FAM110A: variants seen among roughly 807,000 people sequenced by gnomAD.
FAM110A encodes the protein protein FAM110A.
FAM110A carries 1 observed loss-of-function variant against 4.0 expected under a neutral mutation model. That is an observed-to-expected ratio of 0.25 (90% CI 0.09 to 1.20). The LOEUF is 1.20. FAM110A is among the 50% of genes most tolerant of loss of function. The pLI, the probability that FAM110A is intolerant of heterozygous loss-of-function variation, is 0.50. For synonymous variants in FAM110A, 217 were observed against 196.8 expected (o/e 1.10, Z -0.86); for missense variants, 436 against 429.2 (o/e 1.02, Z -0.14).
At chr20:838,369 C>T (rs1022685139) in intron 1 of FAM110A, among the ~76,000 whole-genome samples, 1 of 152,110 alleles carries the variant, frequency 6.6e-6, no homozygotes, top group Non-Finnish European at 1.5e-5. Flanking sequence ...TGATGAGTGG[C>T]CTTGGCCTTT....
intron 1 of FAM110A, among the ~76,000 whole-genome samples, chr20:836,554 C>A (rs895124248): frequency 6.6e-6 from 1 of 152,116 alleles, no homozygotes. Flanking sequence ...TTTTTTATGG[C>A]GGAATAATCT....
In FAM110A at chr20:846,064, TTCC is replaced by T; in HGVS notation, c.*374_*376del. 1 of 259,812 alleles carries T rather than the reference TTCC, an allele frequency of 3.8e-6. No individual in the cohort carries two copies. The highest frequency in any genetic ancestry group is 4.7e-5 in the South Asian group (1 of 21,412). 16.1% of individuals were successfully genotyped at this position (259,812 alleles called of 1,614,324 possible). ...TCTCCCCAGCGGCTCTGTTTCCTCC[TTCC>T]TTCCTTGGCCTCTGTCCTTTGCTGA... On this transcript the variant is annotated 3_prime_UTR_variant, in exon 2 of 2. Transcript: ENST00000381941.
chr20:837,045 G>GTTTTTT lies in FAM110A; in HGVS notation c.-98+3113_-98+3118dup, dbSNP rs71191980. Among the ~76,000 whole-genome samples the GTTTTTT allele has an allele frequency of 6.9e-4, 57 of 82,908 alleles. 3 individuals are homozygous for GTTTTTT. Among genetic ancestry groups the GTTTTTT allele is most frequent in the Non-Finnish European group, 8.4e-4 (36 of 42,970 alleles). The allele number at this position is 82,908 out of a possible 152,430, so 54.4% of individuals were successfully genotyped here. A position where few individuals can be genotyped will look rare whatever the true frequency, so the allele number is the denominator to read the frequency against. On this transcript the variant is annotated intron_variant, in intron 1 of 1. Coordinates refer to ENST00000381941, the MANE Select transcript of FAM110A (RefSeq NM_001042353.3). ...ATGTCTGTTCAAGTGACTCTGCATT[G>GTTTTTT]TTTTTTTTTTTTTTTTTTTTTTTTG...
In FAM110A at chr20:845,371, G is replaced by A. The variant is rs973463248; in HGVS notation, c.567G>A (p.Ser189=). Residue 189 remains serine, a synonymous_variant, in exon 2 of 2, where the codon TCG becomes TCA. Transcript: ENST00000381941. The stretch of plus-strand genomic sequence containing the variant: ...CGCCGGGTTTGCAACGCTCCAAGTC[G>A]GACTTGAGCGAGCGCTTTTCTAGGG... ...ARPPGLQRSK[S]DLSERFSRAA... is the part of the protein sequence containing the mutation. 2.5e-6 allele frequency: 4 copies of A among 1,612,026 alleles called. No individual in the cohort carries two copies. In the East Asian group the frequency reaches 8.9e-5, roughly 36 times the overall value.
chr20:844,160 G>A (rs1265959789), intron 1 of FAM110A, among the ~76,000 whole-genome samples: 2 of 152,218 alleles, frequency 1.3e-5, no homozygotes, highest in African/African-American at 4.8e-5. Context: ...GGCTCCCTGT[G>A]GGGAGTCCAG....
rs548835258 is a variant in FAM110A at position 844,860 on chromosome 20, G to A, written c.56G>A (p.Arg19His). 78 of 1,536,416 alleles carry A rather than the reference G, an allele frequency of 5.1e-5. 2 individuals are homozygous for A. In the South Asian group the frequency reaches 8.5e-4, roughly 17 times the overall value. ...CCGTCCGCCCCCGCCCTACCTTGCC[G>A]CCTGCGGACCAGGGTCCCTGGCTAC... ...GAPSAPALPCRLRTRVPGYLL... is the reference protein window; with the variant it reads ...GAPSAPALPCHLRTRVPGYLL... Residue 19 changes from arginine (R) to histidine (H), a missense_variant, in exon 2 of 2, where the codon CGC becomes CAC. Transcript: ENST00000381941.
In FAM110A at chr20:844,705, C is replaced by A; in HGVS notation, c.-97-3C>A. The stretch of plus-strand genomic sequence containing the variant: ...TTTTTTTTTTCTCTCTCCTTCCCTG[C>A]AGCAGTGGCCGGTGTCCAGCTGCCT... On this transcript the variant is annotated splice_polypyrimidine_tract_variant and splice_region_variant and intron_variant, in intron 1 of 1. Coordinates refer to ENST00000381941, the MANE Select transcript of FAM110A (RefSeq NM_001042353.3). 2 of 1,320,310 alleles carry A rather than the reference C, an allele frequency of 1.5e-6. No homozygotes were observed. Among genetic ancestry groups the A allele is most frequent in the South Asian group, 4.1e-5 (2 of 48,608 alleles). The allele number at this position is 1,320,310 out of a possible 1,614,324, so 81.8% of individuals were successfully genotyped here.
intron 1 of FAM110A, among the ~76,000 whole-genome samples, chr20:841,587 G>A (rs553906789): frequency 6.6e-6 from 1 of 152,204 alleles, no homozygotes; most frequent in South Asian, 2.1e-4. Context: ...CCAGCCTGGG[G>A]ATCTGAGTTC....
In FAM110A at chr20:845,667, G is replaced by C. The variant is rs764323987; in HGVS notation, c.863G>C (p.Arg288Pro). 1.9e-6 allele frequency: 3 copies of C among 1,613,986 alleles called. No homozygotes were observed. Among genetic ancestry groups the C allele is most frequent in the Non-Finnish European group, 1.7e-6 (2 of 1,180,042 alleles). The change falls in exon 2 of 2, where the codon CGG becomes CCG. Residue 288 changes from arginine to proline, a missense_variant. By Grantham distance (103) the Arg-to-Pro change is moderately radical. Coordinates refer to ENST00000381941, the MANE Select transcript of FAM110A (RefSeq NM_001042353.3). The part of the protein sequence containing the change: ...IKWLYGLRQA[R>P]ESPAAEG ...TGGTTGTATGGGCTAAGGCAGGCTCGGGAGAGCCCAGCAGCTGAAGGCTAG... is the reference window on the plus strand; with the variant it reads ...TGGTTGTATGGGCTAAGGCAGGCTCCGGAGAGCCCAGCAGCTGAAGGCTAG...
Position 845,045 on chromosome 20 carries a change from ACT to A in FAM110A, c.243_244del (p.Arg82ProfsTer33). 1.3e-6 allele frequency: 2 copies of A among 1,592,122 alleles called. No homozygotes were observed. Among genetic ancestry groups the A allele is most frequent in the Non-Finnish European group, 1.7e-6 (2 of 1,170,500 alleles). ...CAAACAGCCGCTCTTTAGCCCTGAG[ACT>A]CGCCGCACAGTGCTCACGCCCAGCC... ...LSKQPLFSPE[T>X]RRTVLTPSRR... On this transcript the variant is annotated frameshift_variant, in exon 2 of 2. Coordinates refer to ENST00000381941, the MANE Select transcript of FAM110A (RefSeq NM_001042353.3). LOFTEE classifies it high-confidence loss of function.
intron 1 of FAM110A, among the ~76,000 whole-genome samples, chr20:835,233 C>T (rs959872368): frequency 6.6e-6 from 1 of 150,434 alleles, no homozygotes; most frequent in Non-Finnish European, 1.5e-5. Flanking sequence ...CATATATACA[C>T]ACACACATAT....
Position 845,138 on chromosome 20 carries a change from G to C in FAM110A, c.334G>C (p.Asp112His), listed in dbSNP as rs747606650. The C allele has an allele frequency of 2.0e-5, 32 of 1,580,300 alleles. No individual in the cohort carries two copies. Among genetic ancestry groups the C allele is most frequent in the Non-Finnish European group, 2.7e-5 (31 of 1,164,970 alleles). ...CCTGGACATCCTCAGCAGCCTCATC[G>C]ACTTGTGTGACAGCCCCGTGTCCCC... Reference protein sequence around the residue: ...LDLDILSSLIDLCDSPVSPAE... With the variant: ...LDLDILSSLIHLCDSPVSPAE... Residue 112 changes from aspartate to histidine, a missense_variant, in exon 2 of 2, where the codon GAC becomes CAC. Asp to His is a moderately conservative substitution (Grantham distance 81). Transcript: ENST00000381941.
At position 844,752 on chromosome 20, in the gene FAM110A, C is replaced by A. The variant is rs578071324; in HGVS notation, c.-53C>A. On this transcript the variant is annotated 5_prime_UTR_variant, in exon 2 of 2. Transcript: ENST00000381941. ...GCCTACTTTCTGCCCGGATCTCTGG[C>A]TCCTCATCTCTCCGGTCTCCGCAGA... The A allele has an allele frequency of 2.3e-6, 2 of 888,706 alleles. No homozygotes were observed. The highest frequency in any genetic ancestry group is 5.6e-5 in the African/African-American group (2 of 35,500). The allele number at this position is 888,706 out of a possible 1,614,324, so 55.1% of individuals were successfully genotyped here.
Position 845,545 on chromosome 20 carries a change from C to T in FAM110A, c.741C>T (p.Gly247=), listed in dbSNP as rs1378596358. The change falls in exon 2 of 2, where the codon GGC becomes GGT. Residue 247 remains glycine, a synonymous_variant. Transcript: ENST00000381941. ...CTGGGCCGGGCAGCTCTGAAGGGGG[C>T]TGCTCCCGCCGCAGCTCGGTGACTG... The part of the protein sequence containing the change: ...PSAGPGSSEG[G]CSRRSSVTVE... 6.2e-7 allele frequency: 1 copy of T among 1,613,034 alleles called. No individual in the cohort carries two copies. The highest frequency in any genetic ancestry group is 8.5e-7 in the Non-Finnish European group (1 of 1,179,678).
At position 840,177 on chromosome 20, in the gene FAM110A, C is replaced by A. The variant is rs1979807861; in HGVS notation, c.-97-4531C>A. ...CATTTGGAGGATGAAGGACTTGTTGCCCCGTCCCCTGTAAAGTCAGGGACT... is the reference window on the plus strand; with the variant it reads ...CATTTGGAGGATGAAGGACTTGTTGACCCGTCCCCTGTAAAGTCAGGGACT... On this transcript the variant is annotated intron_variant, in intron 1 of 1. Transcript: ENST00000381941. This position sits in a 1 kb window ranked among gnomAD's most constrained non-coding sequence, Gnocchi z 4.4. 6.6e-6 allele frequency among the ~76,000 whole-genome samples: 1 copy of A among 152,172 alleles called. No individual in the cohort carries two copies. Among genetic ancestry groups the A allele is most frequent in the Non-Finnish European group, 1.5e-5 (1 of 68,028 alleles).
At chr20:842,499 C>A (rs1979989765) in intron 1 of FAM110A, among the ~76,000 whole-genome samples, 1 of 152,140 alleles carries the variant, frequency 6.6e-6, no homozygotes, top group Admixed American at 6.5e-5. Flanking sequence ...CTGTCAGGTC[C>A]TTCCCACCTG....
intron 1 of FAM110A, chr20:839,795 CTG>C: frequency 2.6e-6 from 4 of 1,557,018 alleles, no homozygotes; most frequent in South Asian, 1.1e-5. Context: ...TCCAGGCAAA[CTG>C]TTCCTTCACG....
At chr20:839,559 C>T (rs988771035) in intron 1 of FAM110A, 33 of 1,007,436 alleles carry the variant, frequency 3.3e-5, no homozygotes, top group East Asian at 2.1e-4. Context: ...CACAGAACAC[C>T]GTCTGTAGGT....
At chr20:837,860 G>A (rs1331726760) in intron 1 of FAM110A, among the ~76,000 whole-genome samples, 1 of 152,126 alleles carries the variant, frequency 6.6e-6, no homozygotes, top group Non-Finnish European at 1.5e-5. Flanking sequence ...AAGGCCAGGA[G>A]CACGGTGAGG....
Sources: allele counts gnomAD v4.1 joint callset (sites outside exome capture counted in the v4.1 genomes callset), GRCh38; gene constraint gnomAD v4.1.1; non-coding constraint Gnocchi (gnomAD v3.1); transcripts MANE v1.5; gene names NCBI Gene and HGNC (gene_info 2026-07-23, HGNC 2026-07-21).